PLCB4: variants seen among roughly 807,000 people sequenced by gnomAD.
PLCB4 encodes phospholipase C beta 4.
A neutral mutation model predicts 178.8 loss-of-function variants in PLCB4; 77 were observed. The ratio of observed to expected loss-of-function variants is 0.43; its 90% CI spans 0.36 to 0.52. The LOEUF (loss-of-function observed/expected upper bound fraction) is 0.52. Among genes scored for constraint, PLCB4 ranks in the 20% least tolerant of loss-of-function variants. The probability of loss-of-function intolerance (pLI) is 0.00; values close to 1 mark genes in which losing one functional copy is unlikely to be tolerated. For synonymous variants in PLCB4, 496 were observed against 490.8 expected, an observed-to-expected ratio of 1.01 and a Z score of -0.14; for missense variants, 1,024 against 1,453.4, an observed-to-expected ratio of 0.70 and a Z score of 4.80.
chr20:9,358,145 T>C (rs1165350653), intron 7 of PLCB4, among the ~76,000 whole-genome samples: 1 of 152,204 alleles, frequency 6.6e-6, no homozygotes, highest in African/African-American at 2.4e-5. Flanking sequence ...GAAGGCTGAT[T>C]AAAACGTGGA....
chr20:9,441,488 G>A (rs1384450773), intron 30 of PLCB4, among the ~76,000 whole-genome samples: 1 of 152,156 alleles, frequency 6.6e-6, no homozygotes, highest in Non-Finnish European at 1.5e-5. Flanking sequence ...TTTATTCTGG[G>A]AGGCAGTGGA....
chr20:9,225,773 G>A (rs2093857299), intron 3 of PLCB4, among the ~76,000 whole-genome samples: 1 of 152,106 alleles, frequency 6.6e-6, no homozygotes, highest in Non-Finnish European at 1.5e-5. Context: ...ATAAGAGAGA[G>A]GGAACAATAT....
rs556595797 is a variant in PLCB4, at chr20:9,350,758, C to G, written c.369+11721C>G. On this transcript the variant is annotated intron_variant, in intron 7 of 39. Coordinates refer to ENST00000378473, the MANE Select transcript of PLCB4 (RefSeq NM_001377142.1). ...ATTTTTAGTAGAGACCGGGTTTCAC[C>G]ATGTTGACCAGGCTGGTCTCAAACT... Among the ~76,000 whole-genome samples, 30 of 152,240 alleles carry G rather than the reference C, an allele frequency of 2.0e-4. No individual in the cohort carries two copies. The South Asian group carries it at 5.6e-3, about 28-fold the overall frequency.
At position 9,413,768 on chromosome 20, in the gene PLCB4, T is replaced by A. The variant is rs546179686; in HGVS notation, c.2051+2680T>A. Among the ~76,000 whole-genome samples, 116 of 152,284 alleles carry A rather than the reference T, an allele frequency of 7.6e-4. 2 individuals are homozygous for A. Among genetic ancestry groups the A allele is most frequent in the African/African-American group, 2.7e-3 (111 of 41,560 alleles). On this transcript the variant is annotated intron_variant, in intron 25 of 39. Coordinates refer to ENST00000378473, the MANE Select transcript of PLCB4 (RefSeq NM_001377142.1). ...GTGTCTCACTCTCTCCACCGTTATT[T>A]ATTTTTTCTTAAGACAGGGTTTCGC... is the stretch of plus-strand genomic sequence containing the variant.
intron 3 of PLCB4, among the ~76,000 whole-genome samples, chr20:9,245,598 G>A (rs2094116181): frequency 6.6e-6 from 1 of 152,136 alleles, no homozygotes. Flanking sequence ...TCAAGCCAAG[G>A]AATGCTTCCA....
chr20:9,386,003 A>G (rs961963382), intron 14 of PLCB4, among the ~76,000 whole-genome samples: 1 of 152,238 alleles, frequency 6.6e-6, no homozygotes, highest in Non-Finnish European at 1.5e-5. Context: ...CTGCAATCCC[A>G]GCACCCCGGG....
chr20:9,350,599 C>G (rs918492658), intron 7 of PLCB4, among the ~76,000 whole-genome samples: 1 of 152,088 alleles, frequency 6.6e-6, no homozygotes, highest in Non-Finnish European at 1.5e-5. Context: ...ACTCTGTCCC[C>G]CAAGGCTGTA....
At chr20:9,309,934 C>A (rs1173992754) in intron 4 of PLCB4, among the ~76,000 whole-genome samples, 1 of 152,048 alleles carries the variant, frequency 6.6e-6, no homozygotes, top group Non-Finnish European at 1.5e-5. Context: ...AGAAAAGAAC[C>A]CTTGAACAAG....
chr20:9,150,271 T>C (rs543825065), intron 2 of PLCB4, among the ~76,000 whole-genome samples: 2 of 152,272 alleles, frequency 1.3e-5, no homozygotes, highest in Middle Eastern at 6.8e-3. Context: ...AATACAGAAG[T>C]TTCAGTTAGT....
intron 3 of PLCB4, among the ~76,000 whole-genome samples, chr20:9,254,592 G>C (rs757966806): frequency 6.6e-6 from 1 of 152,086 alleles, no homozygotes; most frequent in African/African-American, 2.4e-5. Context: ...CAGCTTCTTC[G>C]GAGGCTGAGA....
At chr20:9,245,394 T>C (rs1325093197) in intron 3 of PLCB4, among the ~76,000 whole-genome samples, 1 of 152,174 alleles carries the variant, frequency 6.6e-6, no homozygotes, top group African/African-American at 2.4e-5. Context: ...CTGTGAATGT[T>C]ACCTTCTATG....
intron 3 of PLCB4, among the ~76,000 whole-genome samples, chr20:9,221,574 C>T (rs936183340): frequency 2.0e-5 from 3 of 152,172 alleles, no homozygotes; most frequent in Non-Finnish European, 4.4e-5. Context: ...AGCCCATTTC[C>T]TGGTGTAGGT....
Position 9,231,815 on chromosome 20 carries a change from G to T in PLCB4, c.-16+14363G>T, listed in dbSNP as rs575865629. Among the ~76,000 whole-genome samples the T allele has an allele frequency of 3.2e-4, 48 of 152,228 alleles. No homozygotes were observed. In the South Asian group the frequency reaches 8.9e-3, roughly 28 times the overall value. ...TACTTCTAGGTTTTGTTTCCCAAGAGAATGAAAACTTACATCCACACAAAG... is the reference window on the plus strand; with the variant it reads ...TACTTCTAGGTTTTGTTTCCCAAGATAATGAAAACTTACATCCACACAAAG... On this transcript the variant is annotated intron_variant, in intron 3 of 39. Transcript: ENST00000378473.
intron 2 of PLCB4, among the ~76,000 whole-genome samples, chr20:9,202,186 G>A (rs1422188286): frequency 6.6e-6 from 1 of 152,150 alleles, no homozygotes. Context: ...CAACATTGTA[G>A]GAAAAGAATA....
chr20:9,221,009 C>T (rs1479565265), intron 3 of PLCB4, among the ~76,000 whole-genome samples: 2 of 152,084 alleles, frequency 1.3e-5, no homozygotes, highest in South Asian at 2.1e-4. Flanking sequence ...TTCATGCATG[C>T]CAAGAGTCGT....
chr20:9,117,460 G>A (rs887995076), intron 2 of PLCB4, among the ~76,000 whole-genome samples: 45 of 152,154 alleles, frequency 3.0e-4, no homozygotes, highest in African/African-American at 1.1e-3. Context: ...GGAATGCTGT[G>A]AGTCTTCTGA....
At chr20:9,161,732 A>G (rs2092891291) in intron 2 of PLCB4, among the ~76,000 whole-genome samples, 1 of 152,246 alleles carries the variant, frequency 6.6e-6, no homozygotes, top group Non-Finnish European at 1.5e-5. Context: ...GTATGTAGAC[A>G]AAATAACTTA....
intron 3 of PLCB4, among the ~76,000 whole-genome samples, chr20:9,252,009 G>A (rs185419341): frequency 4.6e-5 from 7 of 152,130 alleles, no homozygotes; most frequent in East Asian, 1.9e-4. Context: ...CCTATAGCAC[G>A]TCTCAATTCA....
chr20:9,333,924 TAA>T (rs1044372746), intron 4 of PLCB4, among the ~76,000 whole-genome samples: 10 of 152,120 alleles, frequency 6.6e-5, no homozygotes, highest in Admixed American at 6.5e-4. Context: ...GGGGAGAGAA[TAA>T]AGAGTTCAGT....
Sources: allele counts gnomAD v4.1 joint callset (sites outside exome capture counted in the v4.1 genomes callset), GRCh38; gene constraint gnomAD v4.1.1; transcripts MANE v1.5; gene names NCBI Gene and HGNC (gene_info 2026-07-23, HGNC 2026-07-21).